Variants in DOCK1 observed in about 807,000 individuals in gnomAD.
The protein encoded by DOCK1 is dedicator of cytokinesis protein 1.
Under a neutral mutation model 262.7 loss-of-function variants are expected in DOCK1, and 138 were observed. That is an observed-to-expected ratio of 0.53 (90% CI 0.46 to 0.61). The LOEUF (loss-of-function observed/expected upper bound fraction) is 0.61, where lower values mean the gene tolerates loss of function less well. Among genes scored for constraint, DOCK1 ranks in the 20% least tolerant of loss-of-function variants. The pLI is 0.00. For synonymous variants in DOCK1, 866 were observed against 867.4 expected, an observed-to-expected ratio of 1.00 and a Z score of 0.03; for missense variants, 1,908 against 2,370.7, an observed-to-expected ratio of 0.80 and a Z score of 4.05.
At chr10:126,994,663 A>G (rs937426883) in intron 6 of DOCK1, among the ~76,000 whole-genome samples, 1 of 152,252 alleles carries the variant, frequency 6.6e-6, no homozygotes, top group Non-Finnish European at 1.5e-5. Flanking sequence ...ACAGCATCCC[A>G]AGGCAGAAGA....
chr10:126,937,762 G>A (rs2034653117), intron 1 of DOCK1, among the ~76,000 whole-genome samples: 1 of 151,934 alleles, frequency 6.6e-6, no homozygotes, highest in Non-Finnish European at 1.5e-5. Flanking sequence ...AGTGGATATA[G>A]GATTTGGAAA....
chr10:127,011,255 G>T (rs940696496), intron 11 of DOCK1, among the ~76,000 whole-genome samples: 1 of 152,180 alleles, frequency 6.6e-6, no homozygotes, highest in Non-Finnish European at 1.5e-5. Context: ...AGTTCTTTGG[G>T]AAATGTCGTG....
intron 19 of DOCK1, among the ~76,000 whole-genome samples, chr10:127,040,908 A>G (rs762131465): frequency 6.6e-6 from 1 of 152,066 alleles, no homozygotes; most frequent in Non-Finnish European, 1.5e-5. Flanking sequence ...CCACATAGCT[A>G]TTAGTAGTCA....
chr10:127,090,991 T>A (rs2047493004), intron 23 of DOCK1, among the ~76,000 whole-genome samples: 1 of 151,600 alleles, frequency 6.6e-6, no homozygotes. Flanking sequence ...TGGTTTTTTT[T>A]TTTTTTTTGA....
chr10:127,032,222 C>T lies in DOCK1; in HGVS notation c.1814C>T (p.Ala605Val). The change falls in exon 18 of 52, where the codon GCC becomes GTC. Residue 605 changes from alanine to valine, a missense_variant. Ala to Val is a moderately conservative substitution (Grantham distance 64). This residue lies in a region of DOCK1 where 294 missense variants were observed against 439.9 expected (regional missense o/e 0.67). Transcript: ENST00000623213. ...KAELEEKGHS[A>V]TGKSMQSLGS... ...GAGTTGGAAGAAAAGGGCCACTCGG[C>T]CACCGGCAAGAGCATGCAGAGCCTT... is the stretch of plus-strand genomic sequence containing the variant. The T allele has an allele frequency of 6.2e-7, 1 of 1,601,118 alleles. No individual in the cohort carries two copies. Among genetic ancestry groups the T allele is most frequent in the East Asian group, 2.3e-5 (1 of 44,342 alleles).
intron 27 of DOCK1, among the ~76,000 whole-genome samples, chr10:127,210,469 A>C (rs2057927275): frequency 6.6e-6 from 1 of 152,204 alleles, no homozygotes; most frequent in Non-Finnish European, 1.5e-5. Flanking sequence ...GCTTCCTGTG[A>C]TTACGGTGGA....
chr10:126,908,730 C>G (rs905959864), intron 1 of DOCK1, among the ~76,000 whole-genome samples: 2 of 152,138 alleles, frequency 1.3e-5, no homozygotes, highest in African/African-American at 4.8e-5. Flanking sequence ...GTTGGTGGGT[C>G]ATGTTTACGG....
At chr10:126,908,921 A>G (rs570117901) in intron 1 of DOCK1, among the ~76,000 whole-genome samples, 14 of 152,352 alleles carry the variant, frequency 9.2e-5, no homozygotes, top group African/African-American at 1.2e-4. Flanking sequence ...CGTGAGGACC[A>G]TGTGCTCACT....
chr10:127,140,334 T>C (rs1049549694), intron 27 of DOCK1, among the ~76,000 whole-genome samples: 1 of 152,132 alleles, frequency 6.6e-6, no homozygotes, highest in Non-Finnish European at 1.5e-5. Flanking sequence ...GCACTCCCCA[T>C]TATGCTGCCC....
At position 126,931,721 on chromosome 10, in the gene DOCK1, C is replaced by G. The variant is rs953814697; in HGVS notation, c.46+26158C>G. On this transcript the variant is annotated intron_variant, in intron 1 of 51. Transcript: ENST00000623213. ...TGGTACAGCACAGAGTTTATGCAGT[C>G]AGGCTCTGGCGGACGGCCTTCCTGT... 2.1e-3 allele frequency among the ~76,000 whole-genome samples: 321 copies of G among 152,210 alleles called. 1 individual carries two copies. Among genetic ancestry groups the G allele is most frequent in the African/African-American group, 7.3e-3 (305 of 41,542 alleles).
intron 27 of DOCK1, among the ~76,000 whole-genome samples, chr10:127,168,604 C>T (rs559469316): frequency 5.9e-5 from 9 of 152,332 alleles, no homozygotes; most frequent in South Asian, 2.1e-4. Flanking sequence ...GGGCCATTCT[C>T]AGCTAACCAG....
intron 1 of DOCK1, among the ~76,000 whole-genome samples, chr10:126,919,562 T>C (rs2032958944): frequency 6.6e-6 from 1 of 152,128 alleles, no homozygotes; most frequent in Non-Finnish European, 1.5e-5. Flanking sequence ...GGTGGGGGTG[T>C]GTGCAGGAGG....
Position 127,227,349 on chromosome 10 carries a change from C to T in DOCK1, c.2848-20659C>T, listed in dbSNP as rs139481494. On this transcript the variant is annotated intron_variant, in intron 27 of 51. Transcript: ENST00000623213. The stretch of plus-strand genomic sequence containing the variant: ...GAGATGGAGGATAGGCTGGTAAGAC[C>T]CTGCCAGTGCGGGCCTGCCTCAGTG... 3.5e-4 allele frequency among the ~76,000 whole-genome samples: 54 copies of T among 152,284 alleles called. 1 individual carries two copies. The highest frequency in any genetic ancestry group is 1.2e-3 in the Admixed American group (18 of 15,298).
intron 23 of DOCK1, among the ~76,000 whole-genome samples, chr10:127,089,711 C>T (rs1023927125): frequency 5.3e-4 from 80 of 152,102 alleles, no homozygotes; most frequent in African/African-American, 1.9e-3. Context: ...AGTGAGCCCT[C>T]GAGTCCTGGG....
intron 30 of DOCK1, among the ~76,000 whole-genome samples, chr10:127,341,016 C>G (rs1427037250): frequency 2.0e-5 from 3 of 152,116 alleles, no homozygotes; most frequent in Non-Finnish European, 4.4e-5. Flanking sequence ...GCAAATCTCT[C>G]CTTGCCTTAA....
intron 29 of DOCK1, among the ~76,000 whole-genome samples, chr10:127,262,419 C>T (rs552893331): frequency 1.3e-5 from 2 of 152,328 alleles, no homozygotes; most frequent in South Asian, 4.1e-4. Flanking sequence ...CAAGCCCACA[C>T]AGCACAAGAG....
chr10:127,347,586 G>T lies in DOCK1; in HGVS notation c.3224+3840G>T, dbSNP rs113448515. On this transcript the variant is annotated intron_variant, in intron 31 of 51. Transcript: ENST00000623213. The stretch of plus-strand genomic sequence containing the variant: ...GGAGCAGCTTGGAGCTTGGGGCGGG[G>T]TGTGGGGGCTCGTGGTCTGGGAGTC... Among the ~76,000 whole-genome samples the T allele has an allele frequency of 3.3e-3, 503 of 152,138 alleles. 6 individuals carry two copies. Among genetic ancestry groups the T allele is most frequent in the African/African-American group, 0.012 (483 of 41,514 alleles).
At chr10:127,235,671 G>A (rs1263189349) in intron 27 of DOCK1, among the ~76,000 whole-genome samples, 1 of 152,080 alleles carries the variant, frequency 6.6e-6, no homozygotes, top group Non-Finnish European at 1.5e-5. Context: ...TGGGTCATGA[G>A]GTGAGTATAT....
At chr10:126,942,634 A>ATCTGGGACCCTG in intron 1 of DOCK1, among the ~76,000 whole-genome samples, 1 of 152,258 alleles carries the variant, frequency 6.6e-6, no homozygotes, top group African/African-American at 2.4e-5. Context: ...GGGAGCCGTC[A>ATCTGGGACCCTG]TCTGGGACCC....
Sources: gnomAD v4.1 joint callset for allele counts (sites outside exome capture counted in the v4.1 genomes callset) on GRCh38, gnomAD v4.1.1 for gene constraint, gnomAD v4.1.1 regional missense constraint, MANE v1.5 for transcripts, NCBI Gene and HGNC (gene_info 2026-07-23, HGNC 2026-07-21) for gene names.